The following CCDC171 variants were observed in gnomAD, a reference collection of about 807,000 sequenced individuals.
CCDC171 encodes coiled-coil domain containing 171, also known as coiled-coil domain-containing protein 171.
In CCDC171, 177 loss-of-function variants were observed where a neutral mutation model predicts 168.2. The ratio of observed to expected loss-of-function variants is 1.05; its 90% CI spans 0.93 to 1.19. The LOEUF is 1.19. Ranked by LOEUF, CCDC171 falls within the 50% of genes most tolerant of loss-of-function variation. The probability of loss-of-function intolerance (pLI) is 0.00; values close to 1 mark genes in which losing one functional copy is unlikely to be tolerated. For missense variants in CCDC171, 1,991 were observed against 1,539.0 expected (o/e 1.29, Z -4.91); for synonymous variants, 687 against 540.8 (o/e 1.27, Z -3.75).
chr9:15,915,086 T>C (rs1824307333), intron 24 of CCDC171, among the ~76,000 whole-genome samples: 1 of 110,592 alleles, frequency 9.0e-6, no homozygotes. Flanking sequence ...GAGCTGTTCC[T>C]ATTCAGACAT....
At chr9:15,699,324 T>TA (rs1455746973) in intron 11 of CCDC171, among the ~76,000 whole-genome samples, 1 of 152,102 alleles carries the variant, frequency 6.6e-6, no homozygotes, top group Non-Finnish European at 1.5e-5. Context: ...CGGTGAGTGT[T>TA]ACAGCTCATA....
the CCDC171 span, among the ~76,000 whole-genome samples, chr9:16,084,930 C>G: frequency 3.3e-5 from 5 of 152,242 alleles, no homozygotes; most frequent in Admixed American, 2.0e-4. Context: ...GACCAACTCA[C>G]TTAATCTCTT....
At chr9:16,065,437 C>T (rs547444246), downstream of CCDC171, among the ~76,000 whole-genome samples, 2 of 152,312 alleles carry the variant, frequency 1.3e-5, no homozygotes, top group East Asian at 3.9e-4. Context: ...TCCTGATGAG[C>T]TGGTTCCTTT....
intron 25 of CCDC171, among the ~76,000 whole-genome samples, chr9:15,930,459 A>C (rs1488623349): frequency 6.6e-6 from 1 of 151,596 alleles, no homozygotes; most frequent in African/African-American, 2.4e-5. Flanking sequence ...TCTTTTCAAC[A>C]TACCACTTAA....
At chr9:15,826,642 C>A in intron 21 of CCDC171, among the ~76,000 whole-genome samples, 1 of 152,198 alleles carries the variant, frequency 6.6e-6, no homozygotes. Context: ...AACAGCTCAG[C>A]TAGGGTCTCT....
At chr9:15,891,985 C>T (rs540273204) in intron 24 of CCDC171, among the ~76,000 whole-genome samples, 67 of 152,180 alleles carry the variant, frequency 4.4e-4, no homozygotes, top group African/African-American at 1.6e-3. Context: ...GGACCTTTCC[C>T]CAATCCCCCA....
At chr9:15,978,323 TA>T (rs1831683956), downstream of CCDC171, among the ~76,000 whole-genome samples, 1 of 152,178 alleles carries the variant, frequency 6.6e-6, no homozygotes, top group South Asian at 2.1e-4. Context: ...AAGTGCTTTC[TA>T]ATAACGAATG....
At chr9:15,607,703 T>C (rs1353681298) in intron 6 of CCDC171, among the ~76,000 whole-genome samples, 1 of 152,162 alleles carries the variant, frequency 6.6e-6, no homozygotes, top group African/African-American at 2.4e-5. Flanking sequence ...GCTCCAGTGA[T>C]CCACCCGCCT....
intron 25 of CCDC171, among the ~76,000 whole-genome samples, chr9:15,925,605 A>G (rs910965172): frequency 1.3e-5 from 2 of 151,658 alleles, no homozygotes; most frequent in Admixed American, 6.6e-5. Context: ...GACATGAAGA[A>G]CAAGAGAAAA....
chr9:16,025,476 CA>C (rs1410521867), intron 6 of CCDC171, among the ~76,000 whole-genome samples: 3 of 151,896 alleles, frequency 2.0e-5, no homozygotes, highest in Non-Finnish European at 2.9e-5. Flanking sequence ...AACAAACAAA[CA>C]AAAAAACTTG....
At chr9:15,564,176 A>C (rs1435010898) in intron 2 of CCDC171, 47 bp downstream of exon 2, 28 of 1,438,900 alleles carry the variant, frequency 1.9e-5, no homozygotes, top group Non-Finnish European at 2.6e-5. Context: ...TTTTAGTTGC[A>C]AGGAACAGGG....
At chr9:15,761,868 G>T (rs1262322445) in intron 18 of CCDC171, among the ~76,000 whole-genome samples, 1 of 132,818 alleles carries the variant, frequency 7.5e-6, no homozygotes, top group Admixed American at 8.6e-5. Context: ...AAAAGTATAA[G>T]CATGTAGAAA....
chr9:15,567,407 T>C, intron 2 of CCDC171, among the ~76,000 whole-genome samples: 1 of 152,230 alleles, frequency 6.6e-6, no homozygotes, highest in South Asian at 2.1e-4. Flanking sequence ...TTCAAGATTG[T>C]TTTGGCTATT....
intron 23 of CCDC171, among the ~76,000 whole-genome samples, chr9:15,860,729 C>G (rs1018191502): frequency 1.3e-5 from 2 of 151,920 alleles, no homozygotes; most frequent in Non-Finnish European, 2.9e-5. Flanking sequence ...TGTTCTGCTG[C>G]TGTATACTGG....
At chr9:15,654,420 G>C (rs1341663451) in intron 7 of CCDC171, among the ~76,000 whole-genome samples, 1 of 152,190 alleles carries the variant, frequency 6.6e-6, no homozygotes, top group Non-Finnish European at 1.5e-5. Context: ...CTCTAGAGAA[G>C]AAGGGATGTT....
rs765270352 is a variant in CCDC171 at position 15,678,870 on chromosome 9, A to G, written c.1189A>G (p.Ser397Gly). 6.3e-6 allele frequency: 10 copies of G among 1,588,354 alleles called. No individual in the cohort carries two copies. In the East Asian group the frequency reaches 2.3e-4, roughly 36 times the overall value. The change falls in exon 10 of 26, where the codon AGT becomes GGT. Residue 397 changes from serine (S) to glycine (G), a missense_variant. Physicochemically the swap from Ser to Gly is moderately conservative, Grantham distance 56. Coordinates refer to ENST00000380701, the MANE Select transcript of CCDC171 (RefSeq NM_173550.4). The stretch of plus-strand genomic sequence containing the variant: ...ACTCCAGTATAATGAAAAAAGTTGC[A>G]GTGAATTACAGGAAGAACTAGTAAT... ...KRLQYNEKSC[S>G]ELQEELVMAK...
At chr9:15,570,600 G>T (rs528899656) in intron 2 of CCDC171, among the ~76,000 whole-genome samples, 1 of 152,232 alleles carries the variant, frequency 6.6e-6, no homozygotes, top group Non-Finnish European at 1.5e-5. Flanking sequence ...TTTGTGGCAT[G>T]CTCTGTAGGG....
chr9:15,567,454 A>G (rs2039841094), intron 2 of CCDC171, among the ~76,000 whole-genome samples: 1 of 152,180 alleles, frequency 6.6e-6, no homozygotes, highest in Non-Finnish European at 1.5e-5. Flanking sequence ...TTTTAGGATC[A>G]GCTTTTCAGT....
intron 6 of CCDC171, among the ~76,000 whole-genome samples, chr9:15,605,053 G>T (rs1331938946): frequency 6.6e-6 from 1 of 152,046 alleles, no homozygotes; most frequent in Non-Finnish European, 1.5e-5. Flanking sequence ...GTGCCACGAA[G>T]CCTGGTTAAT....
Sources: allele counts gnomAD v4.1 joint callset (sites outside exome capture counted in the v4.1 genomes callset), GRCh38; gene constraint gnomAD v4.1.1; transcripts MANE v1.5; gene names NCBI Gene and HGNC (gene_info 2026-07-23, HGNC 2026-07-21).